SEMA3C: variants seen among roughly 807,000 people sequenced by gnomAD.
SEMA3C encodes semaphorin-3C.
In SEMA3C, 47 loss-of-function variants were observed where a neutral mutation model predicts 89.4. The ratio of observed to expected loss-of-function variants is 0.53; its 90% CI spans 0.42 to 0.67. The LOEUF (loss-of-function observed/expected upper bound fraction) is 0.67, where lower values mean the gene tolerates loss of function less well. Among genes scored for constraint, SEMA3C ranks in the 30% least tolerant of loss-of-function variants. SEMA3C has a pLI of 0.00. For missense variants in SEMA3C, 839 were observed against 929.1 expected (o/e 0.90, Z 1.26); for synonymous variants, 310 against 320.2 (o/e 0.97, Z 0.34).
intron 12 of SEMA3C, among the ~76,000 whole-genome samples, chr7:80,768,234 C>G (rs892080733): frequency 1.3e-5 from 2 of 152,160 alleles, no homozygotes; most frequent in African/African-American, 4.8e-5. Flanking sequence ...CCTCTGATAG[C>G]CGGGCGTGGT....
intron 2 of SEMA3C, among the ~76,000 whole-genome samples, chr7:80,847,523 T>C (rs939201069): frequency 1.3e-5 from 2 of 152,208 alleles, no homozygotes; most frequent in African/African-American, 4.8e-5. Flanking sequence ...TGGTAATTAC[T>C]GTTGGCACTC....
chr7:80,919,218 C>G, upstream of SEMA3C: 3 of 985,116 alleles, frequency 3.0e-6, no homozygotes, highest in Non-Finnish European at 2.4e-6. Flanking sequence ...CGAGCGCGCC[C>G]GCGAGAGCCT....
chr7:80,793,591 T>G, intron 11 of SEMA3C: 1 of 387,160 alleles, frequency 2.6e-6, no homozygotes, highest in South Asian at 2.0e-5. Context: ...AATTTTGGTT[T>G]AGGATCAATT....
intron 12 of SEMA3C, among the ~76,000 whole-genome samples, chr7:80,774,088 G>A (rs1788493485): frequency 6.6e-6 from 1 of 152,202 alleles, no homozygotes; most frequent in Admixed American, 6.5e-5. Flanking sequence ...GATAAGATGT[G>A]GAAGGGAGAG....
intron 2 of SEMA3C, among the ~76,000 whole-genome samples, chr7:80,863,555 C>T (rs1041929666): frequency 2.0e-5 from 3 of 151,674 alleles, no homozygotes; most frequent in Non-Finnish European, 2.9e-5. Context: ...GGTACTTGCA[C>T]AGGCATGCTT....
intron 17 of SEMA3C, among the ~76,000 whole-genome samples, chr7:80,747,015 G>T (rs998350611): frequency 3.9e-5 from 1 of 25,576 alleles, no homozygotes; most frequent in Non-Finnish European, 1.5e-4. Context: ...ACAGTAGTAT[G>T]AGTGAGAAGC....
chr7:80,835,113 A>C (rs1270061620), intron 2 of SEMA3C, among the ~76,000 whole-genome samples: 1 of 151,960 alleles, frequency 6.6e-6, no homozygotes, highest in Non-Finnish European at 1.5e-5. Flanking sequence ...TAGGTAAAAG[A>C]CTCCTTGATT....
intron 12 of SEMA3C, among the ~76,000 whole-genome samples, chr7:80,771,275 A>C (rs1385360262): frequency 6.6e-6 from 1 of 152,164 alleles, no homozygotes; most frequent in African/African-American, 2.4e-5. Context: ...CTCTTCTGTG[A>C]GGTACAGATA....
chr7:80,745,435 C>T (rs1003367624), intron 17 of SEMA3C, 128 bp from the exon 18 acceptor site: 5 of 876,250 alleles, frequency 5.7e-6, no homozygotes, highest in Non-Finnish European at 8.6e-6. Context: ...ACTTAGCATC[C>T]TTCTCAGTGG....
At chr7:80,873,650 T>G (rs542021732) in intron 2 of SEMA3C, among the ~76,000 whole-genome samples, 11 of 152,262 alleles carry the variant, frequency 7.2e-5, no homozygotes, top group Middle Eastern at 3.4e-3. Context: ...CTAAGTCACT[T>G]ATTAAAGTCA....
At chr7:80,760,843 T>A (rs1030875032) in intron 14 of SEMA3C, among the ~76,000 whole-genome samples, 1 of 152,340 alleles carries the variant, frequency 6.6e-6, no homozygotes, top group African/African-American at 2.4e-5. Context: ...TTGTACATTA[T>A]GGTCAGATTG....
At chr7:80,886,545 G>T (rs946571727) in intron 2 of SEMA3C, among the ~76,000 whole-genome samples, 2 of 151,914 alleles carry the variant, frequency 1.3e-5, no homozygotes, top group Admixed American at 1.3e-4. Flanking sequence ...GTACAGATGG[G>T]GTTTCACCAT....
intron 2 of SEMA3C, among the ~76,000 whole-genome samples, chr7:80,909,890 G>C (rs979856): frequency 0.48 from 73,313 of 152,058 alleles, 21,158 homozygotes; most frequent in South Asian, 0.67. Flanking sequence ...GTGTTGAACA[G>C]ATTTAAAGCC....
At chr7:80,899,185 C>T (rs570470379) in intron 2 of SEMA3C, among the ~76,000 whole-genome samples, 2 of 152,224 alleles carry the variant, frequency 1.3e-5, no homozygotes, top group South Asian at 2.1e-4. Flanking sequence ...CGATTACAGG[C>T]GTGTGCCACT....
intron 6 of SEMA3C, among the ~76,000 whole-genome samples, chr7:80,810,026 G>A (rs2115711482): frequency 6.6e-6 from 1 of 152,196 alleles, no homozygotes; most frequent in Middle Eastern, 3.4e-3. Flanking sequence ...ATACTGCACA[G>A]TGACCATGGT....
At chr7:80,911,458 G>A (rs566152235) in intron 2 of SEMA3C, among the ~76,000 whole-genome samples, 1 of 151,986 alleles carries the variant, frequency 6.6e-6, no homozygotes, top group African/African-American at 2.4e-5. Flanking sequence ...AAGTAACATC[G>A]TTTTATCAAT....
intron 11 of SEMA3C, among the ~76,000 whole-genome samples, chr7:80,793,964 C>G (rs1034421286): frequency 6.6e-6 from 1 of 151,788 alleles, no homozygotes; most frequent in Non-Finnish European, 1.5e-5. Context: ...AATTTGTATA[C>G]TGAGAAAAAC....
chr7:80,877,917 C>T (rs559932248), intron 2 of SEMA3C, among the ~76,000 whole-genome samples: 1 of 152,254 alleles, frequency 6.6e-6, no homozygotes, highest in African/African-American at 2.4e-5. Flanking sequence ...ATCATGAATT[C>T]CCACTCAAGG....
At chr7:80,894,439 C>T (rs75004262) in intron 2 of SEMA3C, among the ~76,000 whole-genome samples, 1,874 of 152,058 alleles carry the variant, frequency 0.012, 30 homozygotes, top group African/African-American at 0.04. Flanking sequence ...TTCAATATTA[C>T]AAGAATTTTT....
Sources: gnomAD v4.1 joint callset for allele counts (sites outside exome capture counted in the v4.1 genomes callset) on GRCh38, gnomAD v4.1.1 for gene constraint, MANE v1.5 for transcripts, NCBI Gene and HGNC (gene_info 2026-07-23, HGNC 2026-07-21) for gene names.